The following TAF6L variants were observed in gnomAD, a reference collection of about 807,000 sequenced individuals.
The protein encoded by TAF6L is TAF6-like RNA polymerase II p300/CBP-associated factor-associated factor 65 kDa subunit 6L.
Under a neutral mutation model 57.3 loss-of-function variants are expected in TAF6L, and 34 were observed. The observed-to-expected ratio is 0.59, with a 90% CI of 0.45 to 0.79. The LOEUF is 0.79. TAF6L is among the 30% of genes least tolerant of loss of function. The pLI, the probability that TAF6L is intolerant of heterozygous loss-of-function variation, is 0.00. For synonymous variants in TAF6L, 417 were observed against 376.3 expected (o/e 1.11, Z -1.25); for missense variants, 782 against 853.2 (o/e 0.92, Z 1.04).
At chr11:62,784,727 T>C (rs1212372317) in intron 9 of TAF6L, among the ~76,000 whole-genome samples, 2 of 152,236 alleles carry the variant, frequency 1.3e-5, no homozygotes, top group Non-Finnish European at 2.9e-5. Context: ...GATTTCCTGA[T>C]AGTAAACAAT....
chr11:62,778,424 C>CT, intron 5 of TAF6L, 89 bp downstream of exon 5: 1 of 1,480,904 alleles, frequency 6.8e-7, no homozygotes, highest in South Asian at 1.2e-5. Context: ...GAGTCTGCGT[C>CT]TAACATGTGT....
intron 9 of TAF6L, among the ~76,000 whole-genome samples, chr11:62,783,430 C>T (rs147595542): frequency 0.034 from 5,162 of 150,530 alleles, 138 homozygotes; most frequent in Non-Finnish European, 0.055. Flanking sequence ...TGCAGTGAGC[C>T]GAGATTGCGC....
At chr11:62,779,078 T>C in intron 6 of TAF6L, 115 bp downstream of exon 6, 1 of 832,554 alleles carries the variant, frequency 1.2e-6, no homozygotes, top group East Asian at 2.7e-5. Context: ...TGGAGTGCAA[T>C]GGCATGATCT....
chr11:62,783,695 C>T (rs2084247874), intron 9 of TAF6L, among the ~76,000 whole-genome samples: 3 of 151,762 alleles, frequency 2.0e-5, no homozygotes, highest in Admixed American at 6.6e-5. Flanking sequence ...CCACCATGCC[C>T]ACCTAACTTG....
At chr11:62,782,447 T>C (rs551385517) in intron 8 of TAF6L, 114 bp downstream of exon 8, 1 of 1,224,036 alleles carries the variant, frequency 8.2e-7, no homozygotes, top group East Asian at 2.4e-5. Context: ...TGGGGAACCT[T>C]TTCCCTAGGA....
At chr11:62,782,626 TTGTCTTGTGCCC>T in intron 8 of TAF6L, 55 bp from the exon 9 acceptor site, 5 of 1,585,428 alleles carry the variant, frequency 3.2e-6, no homozygotes, top group Non-Finnish European at 4.3e-6. Flanking sequence ...TCTCTTTGTG[TTGTCTTGTGCCC>T]TGTTGGGTGG....
At chr11:62,774,585 G>A (rs546703572) in intron 1 of TAF6L, 4 of 454,734 alleles carry the variant, frequency 8.8e-6, no homozygotes, top group East Asian at 7.0e-5. Context: ...TTTGGCGCAC[G>A]GGAGCCTACC....
At chr11:62,774,466 T>G in intron 1 of TAF6L, 1 of 413,744 alleles carries the variant, frequency 2.4e-6, no homozygotes, top group South Asian at 1.7e-5. Flanking sequence ...TGTAGGGACC[T>G]GGACGTCACT....
chr11:62,773,449 T>A (rs939962480), intron 1 of TAF6L, among the ~76,000 whole-genome samples: 1 of 131,176 alleles, frequency 7.6e-6, no homozygotes, highest in Admixed American at 7.6e-5. Flanking sequence ...CGGCCTACAA[T>A]TTTTTTTTTT....
rs1432482412 is a variant in TAF6L at position 62,786,523 on chromosome 11, G to C, written c.1096G>C (p.Val366Leu). The C allele has an allele frequency of 5.8e-6, 9 of 1,554,324 alleles. No homozygotes were observed. The highest frequency in any genetic ancestry group is 6.1e-6 in the Non-Finnish European group (7 of 1,146,962). ...TAGTCCTTGGCTCTTACAGGTGGCG[G>C]TAGAGCGACTGCTGAAGATGAAGGC... is the stretch of plus-strand genomic sequence containing the variant. ...HKVYGAILVAVERLLKMKAQA... is the reference protein window; with the variant it reads ...HKVYGAILVALERLLKMKAQA... The change falls in exon 11 of 11, where the codon GTA becomes CTA. Residue 366 changes from valine (V) to leucine (L), a missense_variant. By Grantham distance (32) the Val-to-Leu change is conservative. Coordinates refer to ENST00000294168, the MANE Select transcript of TAF6L (RefSeq NM_006473.4).
rs1461759912 is a variant in TAF6L at position 62,786,249 on chromosome 11, C to T, written c.961-11C>T. ...AAGACATGCTAACTGTATTCCTTCT[C>T]TTCCTTCCAGGCAGTAGAACGAGTC... On this transcript the variant is annotated splice_polypyrimidine_tract_variant and intron_variant, in intron 9 of 10. Transcript: ENST00000294168. 3 of 1,607,698 alleles carry T rather than the reference C, an allele frequency of 1.9e-6. No homozygotes were observed. Among genetic ancestry groups the T allele is most frequent in the Admixed American group, 1.7e-5 (1 of 59,904 alleles).
chr11:62,780,254 GT>G (rs1156929670), intron 6 of TAF6L, among the ~76,000 whole-genome samples: 1 of 151,754 alleles, frequency 6.6e-6, no homozygotes. Context: ...GGAGGCAGAG[GT>G]TGCTGTGAGT....
At chr11:62,774,116 G>T (rs1341963374) in intron 1 of TAF6L, among the ~76,000 whole-genome samples, 1 of 151,362 alleles carries the variant, frequency 6.6e-6, no homozygotes, top group African/African-American at 2.4e-5. Context: ...TTGCTCTGTT[G>T]CCCAGGCTGG....
At chr11:62,778,451 T>C (rs1260403000) in intron 5 of TAF6L, 116 bp downstream of exon 5, 14 of 1,294,700 alleles carry the variant, frequency 1.1e-5, no homozygotes, top group African/African-American at 1.5e-5. Flanking sequence ...ATGCCTGCCT[T>C]GTGCCATGGT....
chr11:62,782,653 ATGCCT>A (rs772001580), intron 8 of TAF6L, 35 bp from the exon 9 acceptor site: 1 of 1,605,088 alleles, frequency 6.2e-7, no homozygotes, highest in East Asian at 2.2e-5. Context: ...GGGTGGCACC[ATGCCT>A]CATTCCCCTC....
chr11:62,784,924 CAG>C (rs1394836842), intron 9 of TAF6L, among the ~76,000 whole-genome samples: 1 of 152,156 alleles, frequency 6.6e-6, no homozygotes, highest in Admixed American at 6.5e-5. Context: ...GTTTTAGAAT[CAG>C]GGTTATACTG....
intron 1 of TAF6L, among the ~76,000 whole-genome samples, chr11:62,772,730 G>T (rs568155091): frequency 7.1e-6 from 1 of 139,874 alleles, no homozygotes; most frequent in African/African-American, 2.7e-5. Flanking sequence ...CTCGGGAAGC[G>T]GAGGTTTTAG....
chr11:62,773,905 C>T lies in TAF6L; in HGVS notation c.-13-1866C>T, dbSNP rs528405373. Among the ~76,000 whole-genome samples the T allele has an allele frequency of 5.3e-5, 8 of 151,994 alleles. No homozygotes were observed. In the East Asian group the frequency reaches 1.5e-3, roughly 29 times the overall value. On this transcript the variant is annotated intron_variant, in intron 1 of 10. Coordinates refer to ENST00000294168, the MANE Select transcript of TAF6L (RefSeq NM_006473.4). ...GGTGGAGGACAGGGAGGAGAGAGTTCCAAGTGGAGGAAGCAGTGTTCAAAG... is the reference window on the plus strand; with the variant it reads ...GGTGGAGGACAGGGAGGAGAGAGTTTCAAGTGGAGGAAGCAGTGTTCAAAG...
chr11:62,779,381 G>C (rs1240418256), intron 6 of TAF6L, among the ~76,000 whole-genome samples: 1 of 152,058 alleles, frequency 6.6e-6, no homozygotes, highest in African/African-American at 2.4e-5. Context: ...TTTTTTAGTA[G>C]AGACGGGGTT....
Sources: allele counts gnomAD v4.1 joint callset (sites outside exome capture counted in the v4.1 genomes callset), GRCh38; gene constraint gnomAD v4.1.1; transcripts MANE v1.5; gene names NCBI Gene and HGNC (gene_info 2026-07-23, HGNC 2026-07-21).